The following CABLES1 variants were observed in gnomAD, a reference collection of about 807,000 sequenced individuals.
CABLES1 encodes the protein Cdk5 and Abl enzyme substrate 1.
CABLES1 carries 36 observed loss-of-function variants against 57.8 expected under a neutral mutation model. The ratio of observed to expected loss-of-function variants is 0.62; its 90% CI spans 0.48 to 0.82. The LOEUF (loss-of-function observed/expected upper bound fraction) is 0.82, where lower values mean the gene tolerates loss of function less well. Among genes scored for constraint, CABLES1 ranks in the 40% least tolerant of loss-of-function variants. The pLI is 0.00. For missense variants in CABLES1, 767 were observed against 836.6 expected, an observed-to-expected ratio of 0.92 and a Z score of 1.03; for synonymous variants, 374 against 363.0, an observed-to-expected ratio of 1.03 and a Z score of -0.35.
At chr18:23,211,169 C>G (rs996128064) in intron 3 of CABLES1, among the ~76,000 whole-genome samples, 2 of 151,982 alleles carry the variant, frequency 1.3e-5, no homozygotes, top group African/African-American at 4.8e-5. Flanking sequence ...ATTGCACTTG[C>G]ATTTATATTC....
At chr18:23,159,627 G>A (rs1159804712) in intron 1 of CABLES1, among the ~76,000 whole-genome samples, 1 of 152,186 alleles carries the variant, frequency 6.6e-6, no homozygotes, top group East Asian at 1.9e-4. Flanking sequence ...GACGGGACGA[G>A]ATACACTGCT....
chr18:23,247,380 A>G (rs1277303284), intron 7 of CABLES1, among the ~76,000 whole-genome samples: 4 of 152,224 alleles, frequency 2.6e-5, no homozygotes, highest in Non-Finnish European at 4.4e-5. Flanking sequence ...TCCAGTTTCC[A>G]TACTCTGAAC....
intron 1 of CABLES1, among the ~76,000 whole-genome samples, chr18:23,164,335 A>G (rs2144980096): frequency 6.6e-6 from 1 of 152,336 alleles, no homozygotes; most frequent in East Asian, 1.9e-4. Flanking sequence ...GACGTGGGCC[A>G]GTGCCCATCA....
At chr18:23,215,601 A>G (rs944845105) in intron 4 of CABLES1, among the ~76,000 whole-genome samples, 2 of 152,024 alleles carry the variant, frequency 1.3e-5, no homozygotes, top group African/African-American at 2.4e-5. Context: ...CCTTAGCTCC[A>G]TCTCATTCAT....
chr18:23,223,900 A>T (rs1172635540), intron 4 of CABLES1, among the ~76,000 whole-genome samples: 3 of 151,988 alleles, frequency 2.0e-5, no homozygotes, highest in African/African-American at 7.3e-5. Flanking sequence ...ACAGCTGTTG[A>T]TCCCAGAGTC....
intron 1 of CABLES1, among the ~76,000 whole-genome samples, chr18:23,139,223 G>C (rs951271724): frequency 6.6e-5 from 10 of 151,932 alleles, no homozygotes; most frequent in Admixed American, 4.6e-4. Context: ...CCAACATGGT[G>C]AAACCCCATC....
At chr18:23,224,642 C>T (rs868687201) in intron 4 of CABLES1, among the ~76,000 whole-genome samples, 13 of 143,438 alleles carry the variant, frequency 9.1e-5, no homozygotes, top group African/African-American at 3.4e-4. Flanking sequence ...GGTCTCGGCT[C>T]ACTGCAAGCT....
intron 1 of CABLES1, among the ~76,000 whole-genome samples, chr18:23,188,104 C>T (rs184266237): frequency 1.1e-3 from 163 of 152,282 alleles, no homozygotes; most frequent in African/African-American, 3.8e-3. Context: ...AACTTACCAC[C>T]ACCCTACCCT....
At chr18:23,183,877 C>T (rs1383872045) in intron 1 of CABLES1, among the ~76,000 whole-genome samples, 4 of 152,096 alleles carry the variant, frequency 2.6e-5, no homozygotes, top group East Asian at 1.9e-4. Flanking sequence ...TAAGATTGGC[C>T]GCCCGCCCTG....
At chr18:23,199,962 G>A (rs539385619) in intron 3 of CABLES1, among the ~76,000 whole-genome samples, 4 of 152,284 alleles carry the variant, frequency 2.6e-5, no homozygotes, top group African/African-American at 7.2e-5. Context: ...ATGATGGTAC[G>A]GGTTCAGCAG....
At chr18:23,226,066 G>A (rs1381658784) in intron 4 of CABLES1, among the ~76,000 whole-genome samples, 1 of 152,232 alleles carries the variant, frequency 6.6e-6, no homozygotes, top group African/African-American at 2.4e-5. Flanking sequence ...AAGAAGGAAA[G>A]GGAAGTTCAG....
intron 3 of CABLES1, among the ~76,000 whole-genome samples, chr18:23,203,484 G>A (rs1003595794): frequency 9.9e-5 from 15 of 151,594 alleles, no homozygotes; most frequent in Admixed American, 4.6e-4. Context: ...AAAGAAACAC[G>A]TTAAAAGACT....
At chr18:23,236,648 C>CT (rs1197110996) in intron 6 of CABLES1, among the ~76,000 whole-genome samples, 2 of 152,206 alleles carry the variant, frequency 1.3e-5, no homozygotes, top group African/African-American at 4.8e-5. Context: ...TTCTGAATCC[C>CT]TGTCCTAGTG....
chr18:23,250,979 G>A (rs1349214996), intron 7 of CABLES1, among the ~76,000 whole-genome samples: 1 of 152,224 alleles, frequency 6.6e-6, no homozygotes, highest in African/African-American at 2.4e-5. Flanking sequence ...CAAAGACATT[G>A]TACATGTCTG....
intron 1 of CABLES1, among the ~76,000 whole-genome samples, chr18:23,144,758 C>A (rs949220807): frequency 6.6e-6 from 1 of 152,140 alleles, no homozygotes; most frequent in Non-Finnish European, 1.5e-5. Context: ...GACTCCTACC[C>A]ACTTATTGGA....
At chr18:23,204,084 A>G (rs140309484) in intron 3 of CABLES1, among the ~76,000 whole-genome samples, 123 of 152,248 alleles carry the variant, frequency 8.1e-4, no homozygotes, top group African/African-American at 2.9e-3. Flanking sequence ...TCCTTCACTG[A>G]GATGGTCCCC....
rs1023771613 is a variant in CABLES1 at position 23,150,215 on chromosome 18, T to TTG, written c.845+13609_845+13610insGT. ...CATAGTAGTTGGTGTTTGTTTTTTT[T>TTG]TTTTTTTTTTTGAGACGGAGTCTTG... On this transcript the variant is annotated intron_variant, in intron 1 of 9. Coordinates refer to ENST00000256925, the MANE Select transcript of CABLES1 (RefSeq NM_001100619.3). 2.1e-5 allele frequency among the ~76,000 whole-genome samples: 3 copies of TTG among 140,856 alleles called. 1 individual carries two copies. Among genetic ancestry groups the TTG allele is most frequent in the African/African-American group, 5.7e-5 (2 of 35,062 alleles). The allele number at this position is 140,856 out of a possible 152,430, so 92.4% of individuals were successfully genotyped here.
intron 1 of CABLES1, among the ~76,000 whole-genome samples, chr18:23,182,477 C>G (rs1372184572): frequency 6.6e-6 from 1 of 152,210 alleles, no homozygotes; most frequent in Non-Finnish European, 1.5e-5. Context: ...TTCAATGGGA[C>G]TCAACTGTAC....
chr18:23,219,054 C>G (rs776581969), intron 4 of CABLES1: 4 of 390,004 alleles, frequency 1.0e-5, no homozygotes, highest in African/African-American at 4.2e-5. Context: ...CCCACCCCCC[C>G]GCAAGTGCCT....
Sources: allele counts gnomAD v4.1 joint callset (sites outside exome capture counted in the v4.1 genomes callset), GRCh38; gene constraint gnomAD v4.1.1; transcripts MANE v1.5; gene names NCBI Gene and HGNC (gene_info 2026-07-23, HGNC 2026-07-21).